The following CAST variants were observed in gnomAD, a reference collection of about 807,000 sequenced individuals.
CAST encodes calpastatin.
A neutral mutation model predicts 119.6 loss-of-function variants in CAST; 76 were observed. That is an observed-to-expected ratio of 0.64 (90% CI 0.53 to 0.77). The LOEUF is 0.77. CAST is among the 30% of genes least tolerant of loss of function. The probability of loss-of-function intolerance (pLI) is 0.00; values close to 1 mark genes in which losing one functional copy is unlikely to be tolerated. For missense variants in CAST, 953 were observed against 946.5 expected, an observed-to-expected ratio of 1.01 and a Z score of -0.09; for synonymous variants, 319 against 331.6, an observed-to-expected ratio of 0.96 and a Z score of 0.41.
At chr5:96,679,866 A>T (rs1751142727) in intron 2 of CAST, among the ~76,000 whole-genome samples, 1 of 152,116 alleles carries the variant, frequency 6.6e-6, no homozygotes, top group Admixed American at 6.5e-5. Flanking sequence ...CATACTTGTG[A>T]AAAACAATAT....
At chr5:96,716,943 A>G (rs1757291913) in intron 3 of CAST, among the ~76,000 whole-genome samples, 1 of 152,226 alleles carries the variant, frequency 6.6e-6, no homozygotes, top group Non-Finnish European at 1.5e-5. Flanking sequence ...CCGGCCACTT[A>G]GCAGCCATCC....
chr5:96,501,165 C>T, the CAST span, among the ~76,000 whole-genome samples: 1 of 152,074 alleles, frequency 6.6e-6, no homozygotes, highest in East Asian at 1.9e-4. Flanking sequence ...ATACCAGAGG[C>T]ATCAGACAAG....
At chr5:96,129,165 G>T in the CAST span, among the ~76,000 whole-genome samples, 7 of 152,022 alleles carry the variant, frequency 4.6e-5, no homozygotes, top group African/African-American at 1.7e-4. Flanking sequence ...AAATATTTTT[G>T]TTAAAAGTCA....
At chr5:96,232,543 C>A in the CAST span, among the ~76,000 whole-genome samples, 17 of 151,942 alleles carry the variant, frequency 1.1e-4, no homozygotes, top group Non-Finnish European at 2.4e-4. Flanking sequence ...TGGTGTTCAG[C>A]AAGGTTGCAG....
the CAST span, among the ~76,000 whole-genome samples, chr5:96,010,818 G>C: frequency 4.6e-5 from 7 of 152,084 alleles, no homozygotes; most frequent in Non-Finnish European, 7.4e-5. Flanking sequence ...ATCTTTCACT[G>C]TCTTGATTGG....
the CAST span, among the ~76,000 whole-genome samples, chr5:96,430,623 T>A: frequency 1.3e-5 from 2 of 152,208 alleles, no homozygotes; most frequent in African/African-American, 4.8e-5. Flanking sequence ...TAAATTAGTG[T>A]AATTTTAGTA....
the CAST span, among the ~76,000 whole-genome samples, chr5:96,369,718 A>C: frequency 6.6e-6 from 1 of 152,054 alleles, no homozygotes; most frequent in Admixed American, 6.6e-5. Context: ...CAGTAGGTAC[A>C]TTTTACTCAA....
chr5:96,408,600 C>G, the CAST span, among the ~76,000 whole-genome samples: 6 of 152,162 alleles, frequency 3.9e-5, no homozygotes, highest in African/African-American at 1.4e-4. Flanking sequence ...CTGAGATTCC[C>G]AAACGAAATG....
At chr5:96,609,549 G>A (rs1253731537) in intron 1 of CAST, among the ~76,000 whole-genome samples, 1 of 152,046 alleles carries the variant, frequency 6.6e-6, no homozygotes, top group Admixed American at 6.6e-5. Context: ...TCTTGTCCTG[G>A]GCTGAAATCA....
At position 96,628,378 on chromosome 5, in the gene CAST, T is replaced by C. The variant is rs114458636; in HGVS notation, c.61-47161T>C. Among the ~76,000 whole-genome samples, 450 of 152,358 alleles carry C rather than the reference T, an allele frequency of 3.0e-3. 2 individuals carry two copies. Among genetic ancestry groups the C allele is most frequent in the African/African-American group, 0.011 (440 of 41,582 alleles). On this transcript the variant is annotated intron_variant, in intron 1 of 11. Coordinates refer to the CAST transcript ENST00000505143. ...TCAACTCTTCTATAAACACACAGCATTCACATTGTGTAGATGAACTCAGCA... is the reference window on the plus strand; with the variant it reads ...TCAACTCTTCTATAAACACACAGCACTCACATTGTGTAGATGAACTCAGCA...
the CAST span, among the ~76,000 whole-genome samples, chr5:96,487,192 C>T: frequency 9.2e-5 from 14 of 152,176 alleles, no homozygotes; most frequent in Admixed American, 2.6e-4. Context: ...TTGGACCTCC[C>T]CACCCACCAC....
chr5:96,419,650 G>A, the CAST span, among the ~76,000 whole-genome samples: 1 of 151,848 alleles, frequency 6.6e-6, no homozygotes, highest in Non-Finnish European at 1.5e-5. Flanking sequence ...TCTCAATGCT[G>A]TGTGGAAGAT....
the CAST span, chr5:95,970,172 C>G: frequency 6.6e-6 from 1 of 152,214 alleles, no homozygotes; most frequent in Admixed American, 6.5e-5. Context: ...ACTCCTTAGG[C>G]GTTGCACTTA....
At chr5:96,000,645 CAAG>C in the CAST span, among the ~76,000 whole-genome samples, 1 of 152,116 alleles carries the variant, frequency 6.6e-6, no homozygotes, top group Admixed American at 6.5e-5. Context: ...CTGAAAACTT[CAAG>C]AAGAATGAGT....
chr5:96,306,026 C>A, the CAST span, among the ~76,000 whole-genome samples: 1 of 151,794 alleles, frequency 6.6e-6, no homozygotes, highest in South Asian at 2.1e-4. Flanking sequence ...TCTGAAGTAC[C>A]AGCTCCTCCT....
At chr5:96,155,802 A>G in the CAST span, among the ~76,000 whole-genome samples, 8 of 152,010 alleles carry the variant, frequency 5.3e-5, no homozygotes, top group Non-Finnish European at 1.0e-4. Flanking sequence ...CCTTGCTCCT[A>G]TGTGGTCTCT....
chr5:96,283,100 C>A, the CAST span, among the ~76,000 whole-genome samples: 1,521 of 141,780 alleles, frequency 0.011, 30 homozygotes, highest in African/African-American at 0.038. Flanking sequence ...ACTGCACTCC[C>A]ACCTGGGCCA....
At chr5:96,349,464 A>G in the CAST span, among the ~76,000 whole-genome samples, 1 of 152,146 alleles carries the variant, frequency 6.6e-6, no homozygotes, top group Non-Finnish European at 1.5e-5. Flanking sequence ...ATCAAGGATC[A>G]ACTGCAGGTA....
the CAST span, among the ~76,000 whole-genome samples, chr5:96,029,299 T>C: frequency 6.6e-6 from 1 of 152,182 alleles, no homozygotes; most frequent in Non-Finnish European, 1.5e-5. Context: ...TCTATCCATA[T>C]ATTTGCTTGC....
Sources: gnomAD v4.1 joint callset for allele counts (sites outside exome capture counted in the v4.1 genomes callset) on GRCh38, gnomAD v4.1.1 for gene constraint, MANE v1.5 for transcripts, NCBI Gene and HGNC (gene_info 2026-07-23, HGNC 2026-07-21) for gene names.